The following FASTKD1 variants were observed in gnomAD, a reference collection of about 807,000 sequenced individuals.
FASTKD1 encodes the protein FAST kinase domains 1.
FASTKD1 carries 94 observed loss-of-function variants against 90.9 expected under a neutral mutation model. The observed-to-expected ratio is 1.03, with a 90% CI of 0.88 to 1.23. The LOEUF (loss-of-function observed/expected upper bound fraction) is 1.23, where lower values mean the gene tolerates loss of function less well. Among genes scored for constraint, FASTKD1 ranks in the 50% most tolerant of loss-of-function variants. The probability of loss-of-function intolerance (pLI) is 0.00; values close to 1 mark genes in which losing one functional copy is unlikely to be tolerated. For synonymous variants in FASTKD1, 319 were observed against 345.8 expected, an observed-to-expected ratio of 0.92 and a Z score of 0.86; for missense variants, 945 against 993.5, an observed-to-expected ratio of 0.95 and a Z score of 0.66.
chr2:169,530,522 G>A, intron 14 of FASTKD1, 65 bp downstream of exon 14: 2 of 840,284 alleles, frequency 2.4e-6, no homozygotes, highest in Non-Finnish European at 3.8e-6. Flanking sequence ...CACATTAAAA[G>A]GAAGCACATG....
In FASTKD1 at chr2:169,531,294, A is replaced by G; in HGVS notation, c.2327+58T>C. The G allele has an allele frequency of 3.3e-6, 5 of 1,535,754 alleles. No homozygotes were observed. The Middle Eastern group carries it at 8.5e-4, about 260-fold the overall frequency. ...AATCCTTGATCACTGACTTCAGTATAGTACACCAAATTTAACATTTAGATA... is the reference window on the plus strand; with the variant it reads ...AATCCTTGATCACTGACTTCAGTATGGTACACCAAATTTAACATTTAGATA... On this transcript the variant is annotated intron_variant, in intron 13 of 14. Coordinates refer to ENST00000453153, the MANE Select transcript of FASTKD1 (RefSeq NM_024622.6).
At chr2:169,556,085 GCTCT>G (rs947415543) in intron 6 of FASTKD1, among the ~76,000 whole-genome samples, 2 of 152,090 alleles carry the variant, frequency 1.3e-5, no homozygotes, top group African/African-American at 4.8e-5. Flanking sequence ...GGGTCTTTAT[GCTCT>G]CTATTTTACA....
At chr2:169,540,700 T>C (rs1446612929) in intron 9 of FASTKD1, among the ~76,000 whole-genome samples, 2 of 152,200 alleles carry the variant, frequency 1.3e-5, no homozygotes, top group African/African-American at 2.4e-5. Flanking sequence ...TAAATAAGCA[T>C]TAGGAAGCAG....
At chr2:169,537,975 A>G in intron 11 of FASTKD1, 38 bp downstream of exon 11, 1 of 1,559,656 alleles carries the variant, frequency 6.4e-7, no homozygotes, top group Non-Finnish European at 8.7e-7. Context: ...TTTACTTTAG[A>G]ATCAAACTTT....
At chr2:169,543,204 C>G (rs572550293) in intron 9 of FASTKD1, among the ~76,000 whole-genome samples, 1 of 152,290 alleles carries the variant, frequency 6.6e-6, no homozygotes, top group East Asian at 1.9e-4. Flanking sequence ...TGGCTCACAT[C>G]TGTAATCCCA....
At chr2:169,567,131 A>G (rs1411975126) in intron 3 of FASTKD1, among the ~76,000 whole-genome samples, 1 of 152,090 alleles carries the variant, frequency 6.6e-6, no homozygotes, top group African/African-American at 2.4e-5. Context: ...AAAAAAACAT[A>G]AGTTTATAGA....
intron 9 of FASTKD1, among the ~76,000 whole-genome samples, chr2:169,543,235 G>C (rs1403867445): frequency 6.6e-6 from 1 of 152,170 alleles, no homozygotes; most frequent in Non-Finnish European, 1.5e-5. Context: ...AGGCTGAGGT[G>C]GGTGGATCAC....
chr2:169,539,542 A>T (rs1684876297), intron 10 of FASTKD1, among the ~76,000 whole-genome samples: 1 of 152,050 alleles, frequency 6.6e-6, no homozygotes. Flanking sequence ...CCAAGGAGGG[A>T]GAATCACTTG....
rs1192680177 is a variant in FASTKD1 at position 169,573,848 on chromosome 2, A to C, written c.-322T>G. The stretch of plus-strand genomic sequence containing the variant: ...CGAGAGACATGACCTTTCCCATGAG[A>C]CCTTGCCCCCAAACCAGGAAAAAAT... On this transcript the variant is annotated 5_prime_UTR_variant, in exon 1 of 15. Transcript: ENST00000453153. The C allele has an allele frequency of 6.6e-6, 1 of 152,106 alleles. No individual in the cohort carries two copies. The highest frequency in any genetic ancestry group is 1.5e-5 in the Non-Finnish European group (1 of 68,064). The allele number at this position is 152,106 out of a possible 1,614,324, so 9.4% of individuals were successfully genotyped here. A position where few individuals can be genotyped will look rare whatever the true frequency, so the allele number is the denominator to read the frequency against.
At chr2:169,566,128 C>T (rs1411768644) in intron 3 of FASTKD1, among the ~76,000 whole-genome samples, 2 of 152,104 alleles carry the variant, frequency 1.3e-5, no homozygotes, top group Non-Finnish European at 2.9e-5. Flanking sequence ...CTTCTGTGTA[C>T]TCTCGCTTCA....
intron 2 of FASTKD1, among the ~76,000 whole-genome samples, chr2:169,570,588 T>C (rs888496508): frequency 3.3e-5 from 5 of 152,146 alleles, no homozygotes; most frequent in Non-Finnish European, 5.9e-5. Context: ...AGAAAACATA[T>C]GTGCCGTCCA....
At position 169,530,013 on chromosome 2, in the gene FASTKD1, G is replaced by A. The variant is rs2105320275; in HGVS notation, c.2443-87C>T. On this transcript the variant is annotated intron_variant, in intron 14 of 14. Transcript: ENST00000453153. ...AGACATATAAGCACTACTGATCAAA[G>A]CTGTAGGAATCCTATGAAATTAGTT... 3 of 878,446 alleles carry A rather than the reference G, an allele frequency of 3.4e-6. No homozygotes were observed. The South Asian group carries it at 5.2e-5, about 15-fold the overall frequency. The allele number at this position is 878,446 out of a possible 1,614,324, so 54.4% of individuals were successfully genotyped here.
intron 7 of FASTKD1, among the ~76,000 whole-genome samples, chr2:169,548,588 C>T (rs1442381753): frequency 2.6e-5 from 4 of 151,514 alleles, no homozygotes; most frequent in African/African-American, 7.3e-5. Flanking sequence ...AAAAATTAGC[C>T]GGGCGTGGTG....
At chr2:169,538,808 C>T (rs562373534) in intron 10 of FASTKD1, among the ~76,000 whole-genome samples, 62 of 150,838 alleles carry the variant, frequency 4.1e-4, no homozygotes, top group African/African-American at 1.4e-3. Context: ...GAATTGGAAA[C>T]AATCTGTGAC....
Position 169,538,132 on chromosome 2 carries a change from G to A in FASTKD1, c.1955C>T (p.Pro652Leu). ...AAACTGGACTCTTGCACTTCGAGAT[G>A]GAGATAAAACTGAAATTAATAAAAT... The part of the protein sequence containing the change: ...RLDSQLEILS[P>L]SRSARVQFHL... The change falls in exon 11 of 15, where the codon CCA (proline) becomes CTA (leucine). Residue 652 changes from proline to leucine, a missense_variant. By Grantham distance (98) the Pro-to-Leu change is moderately conservative. Transcript: ENST00000453153. 6.3e-7 allele frequency: 1 copy of A among 1,598,304 alleles called. No homozygotes were observed. Among genetic ancestry groups the A allele is most frequent in the Admixed American group, 1.8e-5 (1 of 55,868 alleles).
intron 10 of FASTKD1, among the ~76,000 whole-genome samples, chr2:169,538,542 G>A (rs1684827528): frequency 6.6e-6 from 1 of 151,900 alleles, no homozygotes. Context: ...CAGGCATGGT[G>A]GTGCATGCCT....
intron 9 of FASTKD1, among the ~76,000 whole-genome samples, chr2:169,543,372 A>G (rs1456166040): frequency 6.6e-6 from 1 of 152,062 alleles, no homozygotes; most frequent in African/African-American, 2.4e-5. Context: ...CTGAGGCAGG[A>G]GAATCGCTTG....
chr2:169,547,623 C>T (rs981458982), intron 7 of FASTKD1, among the ~76,000 whole-genome samples: 4 of 152,018 alleles, frequency 2.6e-5, no homozygotes, highest in Admixed American at 6.6e-5. Flanking sequence ...AGGCCAGGCA[C>T]GGTGGCTCAT....
In FASTKD1 at chr2:169,540,186, G is replaced by GA. The variant is rs775115047; in HGVS notation, c.1817-8dup. ...ATAAAAGGATCCAATATACCTAAAA[G>GA]AAAATTAAGATTTTTTTAAAGGTAT... On this transcript the variant is annotated splice_region_variant and splice_polypyrimidine_tract_variant and intron_variant, in intron 9 of 14. Coordinates refer to ENST00000453153, the MANE Select transcript of FASTKD1 (RefSeq NM_024622.6). The GA allele has an allele frequency of 1.3e-6, 2 of 1,528,470 alleles. No individual in the cohort carries two copies. Among genetic ancestry groups the GA allele is most frequent in the East Asian group, 4.5e-5 (2 of 43,982 alleles). The allele number at this position is 1,528,470 out of a possible 1,614,324, so 94.7% of individuals were successfully genotyped here.
Sources: gnomAD v4.1 joint callset for allele counts (sites outside exome capture counted in the v4.1 genomes callset) on GRCh38, gnomAD v4.1.1 for gene constraint, MANE v1.5 for transcripts, NCBI Gene and HGNC (gene_info 2026-07-23, HGNC 2026-07-21) for gene names.